The following KSR1 variants were observed in gnomAD, a reference collection of about 807,000 sequenced individuals.
KSR1 encodes kinase suppressor of ras.
KSR1 carries 35 observed loss-of-function variants against 92.9 expected under a neutral mutation model. That is an observed-to-expected ratio of 0.38 (90% CI 0.29 to 0.50). The LOEUF (loss-of-function observed/expected upper bound fraction) is 0.50. Among genes scored for constraint, KSR1 ranks in the 20% least tolerant of loss-of-function variants. The pLI, the probability that KSR1 is intolerant of heterozygous loss-of-function variation, is 0.94. For missense variants in KSR1, 972 were observed against 1,158.5 expected (o/e 0.84, Z 2.34); for synonymous variants, 467 against 472.6 (o/e 0.99, Z 0.15).
At chr17:27,536,141 G>A (rs892003538) in intron 1 of KSR1, among the ~76,000 whole-genome samples, 15 of 152,208 alleles carry the variant, frequency 9.9e-5, no homozygotes, top group Non-Finnish European at 1.5e-4. Flanking sequence ...AGTGAGAGAC[G>A]GCTGGGCTGG....
In KSR1 at chr17:27,577,381, C is replaced by T; in HGVS notation, c.373-111C>T. On this transcript the variant is annotated intron_variant, in intron 2 of 20. Transcript: ENST00000644974. The surrounding 1 kb of genome is among the most constrained non-coding windows in gnomAD (Gnocchi z 4.5). ...CGTGGTGGCTCTGGTCAGAGGCCGG[C>T]CCAGCCAGCAGCTGGCCCCTGCCAC... 1.5e-6 allele frequency: 1 copy of T among 669,054 alleles called. No homozygotes were observed. The highest frequency in any genetic ancestry group is 2.5e-6 in the Non-Finnish European group (1 of 394,104). 41.4% of individuals were successfully genotyped at this position (669,054 alleles called of 1,614,324 possible).
At chr17:27,517,006 CA>C (rs1406962690) in intron 1 of KSR1, among the ~76,000 whole-genome samples, 1 of 152,168 alleles carries the variant, frequency 6.6e-6, no homozygotes, top group African/African-American at 2.4e-5. Flanking sequence ...GAAACAAAAA[CA>C]AAAGTATTTT....
In KSR1 at chr17:27,464,720, C is replaced by A. The variant is rs1306100625; in HGVS notation, c.231+7846C>A. ...GAACTTGACTCAAAAAAAAAAAAAA[C>A]CAGCAAGAAAAATCCTTGCAGATTT... On this transcript the variant is annotated intron_variant, in intron 1 of 20. Transcript: ENST00000644974. Among the ~76,000 whole-genome samples, 49 of 135,342 alleles carry A rather than the reference C, an allele frequency of 3.6e-4. 1 individual carries two copies. Among genetic ancestry groups the A allele is most frequent in the African/African-American group, 3.8e-4 (14 of 37,202 alleles). 88.8% of individuals were successfully genotyped at this position (135,342 alleles called of 152,430 possible).
intron 1 of KSR1, among the ~76,000 whole-genome samples, chr17:27,507,618 C>T (rs1187180161): frequency 8.9e-6 from 1 of 112,164 alleles, no homozygotes; most frequent in Non-Finnish European, 1.7e-5. Flanking sequence ...CTCCTGTTGC[C>T]CAGGCTAGAG....
chr17:27,616,662 C>A (rs1367684990), intron 18 of KSR1, among the ~76,000 whole-genome samples: 1 of 152,160 alleles, frequency 6.6e-6, no homozygotes, highest in Non-Finnish European at 1.5e-5. Context: ...ATGTGTCCTG[C>A]CTGGTCGTAT....
Position 27,559,250 on chromosome 17 carries a change from T to G in KSR1, c.372+8542T>G, listed in dbSNP as rs948628372. ...GGGTTTCTTTCTGTTCCCACCTGAG[T>G]CAGATGCCAGCCCTCTGCGGCTCCG... On this transcript the variant is annotated intron_variant, in intron 2 of 20. Coordinates refer to ENST00000644974, the MANE Select transcript of KSR1 (RefSeq NM_001394583.1). This position sits in a 1 kb window ranked among gnomAD's most constrained non-coding sequence, Gnocchi z 4.2. Among the ~76,000 whole-genome samples, 6 of 152,114 alleles carry G rather than the reference T, an allele frequency of 3.9e-5. No homozygotes were observed. Among genetic ancestry groups the G allele is most frequent in the Non-Finnish European group, 7.4e-5 (5 of 68,018 alleles).
At chr17:27,521,250 A>G (rs1217021411) in intron 1 of KSR1, among the ~76,000 whole-genome samples, 1 of 151,674 alleles carries the variant, frequency 6.6e-6, no homozygotes, top group Admixed American at 6.6e-5. Context: ...TGGTTAGGAT[A>G]CCCAAGCTGA....
chr17:27,617,673 A>G lies in KSR1; in HGVS notation c.2627+245A>G, dbSNP rs1037258065. Reference sequence around the variant, plus strand: ...CTCCCGAGTAGCTGGGACTGTAGGCACCTGCCACCACACTTGGCTAATTAT... The same window carrying G: ...CTCCCGAGTAGCTGGGACTGTAGGCGCCTGCCACCACACTTGGCTAATTAT... On this transcript the variant is annotated intron_variant, in intron 19 of 20. Coordinates refer to ENST00000644974, the MANE Select transcript of KSR1 (RefSeq NM_001394583.1). The G allele has an allele frequency of 8.8e-6, 4 of 452,834 alleles. No individual in the cohort carries two copies. The Admixed American group carries it at 1.3e-4, about 15-fold the overall frequency. 28.1% of individuals were successfully genotyped at this position (452,834 alleles called of 1,614,324 possible). A position where few individuals can be genotyped will look rare whatever the true frequency, so the allele number is the denominator to read the frequency against.
chr17:27,502,792 G>A (rs1031171393), intron 1 of KSR1, among the ~76,000 whole-genome samples: 2 of 152,244 alleles, frequency 1.3e-5, no homozygotes, highest in African/African-American at 2.4e-5. Context: ...GCCTTCCAGC[G>A]TTGGATTCCT....
intron 2 of KSR1, among the ~76,000 whole-genome samples, chr17:27,564,235 C>A (rs1201365335): frequency 1.3e-5 from 2 of 152,080 alleles, no homozygotes; most frequent in Non-Finnish European, 2.9e-5. Flanking sequence ...AGATGATCTG[C>A]CTGCCTCGGC....
chr17:27,577,584 TGA>T lies in KSR1; in HGVS notation c.467_468del (p.Glu156ValfsTer89). On this transcript the variant is annotated frameshift_variant, in exon 3 of 21. Transcript: ENST00000644974. LOFTEE classifies it high-confidence loss of function. This position sits in a 1 kb window ranked among gnomAD's most constrained non-coding sequence, Gnocchi z 4.5. ...TLRRCGASGD[E>X]CGRLQYALTC... Reference sequence around the variant, plus strand: ...TGCGGCGCTGTGGGGCCAGCGGGGATGAGTGTGGCCGTCTGCAGTATGCCCTC... The same window carrying T: ...TGCGGCGCTGTGGGGCCAGCGGGGATGTGTGGCCGTCTGCAGTATGCCCTC... 6.2e-7 allele frequency: 1 copy of T among 1,603,394 alleles called. No individual in the cohort carries two copies. Among genetic ancestry groups the T allele is most frequent in the Non-Finnish European group, 8.5e-7 (1 of 1,178,218 alleles).
intron 20 of KSR1, chr17:27,621,964 T>C: frequency 6.2e-7 from 1 of 1,611,500 alleles, no homozygotes; most frequent in Non-Finnish European, 8.5e-7. Context: ...CACCAGGGGC[T>C]TTCTTCCTCC....
chr17:27,480,251 A>G lies in KSR1; in HGVS notation c.231+23377A>G, dbSNP rs1488524614. Among the ~76,000 whole-genome samples, 3 of 152,154 alleles carry G rather than the reference A, an allele frequency of 2.0e-5. No homozygotes were observed. In the East Asian group the frequency reaches 5.8e-4, roughly 29 times the overall value. On this transcript the variant is annotated intron_variant, in intron 1 of 20. Coordinates refer to ENST00000644974, the MANE Select transcript of KSR1 (RefSeq NM_001394583.1). Reference sequence around the variant, plus strand: ...GAGTGAGGTCTTCTCTAAGCAGCCCATGTAATTGTGAACCCTCCTGCCTCC... The same window carrying G: ...GAGTGAGGTCTTCTCTAAGCAGCCCGTGTAATTGTGAACCCTCCTGCCTCC...
chr17:27,499,079 A>G (rs556863787), intron 1 of KSR1, among the ~76,000 whole-genome samples: 13 of 152,304 alleles, frequency 8.5e-5, no homozygotes, highest in East Asian at 3.9e-4. Flanking sequence ...CAGCTTCAGG[A>G]TATGCCAAGG....
intron 1 of KSR1, chr17:27,526,708 T>G (rs570885881): frequency 6.2e-5 from 92 of 1,474,484 alleles, no homozygotes; most frequent in South Asian, 5.5e-4. Flanking sequence ...AACACGAGGG[T>G]TCAGGTTGAG....
intron 2 of KSR1, among the ~76,000 whole-genome samples, chr17:27,565,891 G>T (rs1349610493): frequency 4.0e-5 from 6 of 151,370 alleles, no homozygotes; most frequent in African/African-American, 1.5e-4. Context: ...TTTTTCATTT[G>T]CATGGACTCC....
intron 20 of KSR1, chr17:27,622,118 T>TTTC (rs2074240531): frequency 1.6e-6 from 1 of 631,580 alleles, no homozygotes; most frequent in African/African-American, 1.8e-5. Flanking sequence ...CCCTCTGCCC[T>TTTC]CTCCACGTGG....
intron 2 of KSR1, among the ~76,000 whole-genome samples, chr17:27,573,801 G>C (rs2072400823): frequency 6.6e-6 from 1 of 152,082 alleles, no homozygotes; most frequent in South Asian, 2.1e-4. Flanking sequence ...TCAGTAAGAT[G>C]GACTTAACTC....
chr17:27,592,316 C>T (rs373743003), intron 7 of KSR1, 45 bp from the exon 8 acceptor site: 29 of 1,534,260 alleles, frequency 1.9e-5, no homozygotes, highest in African/African-American at 2.7e-5. Context: ...GTGCCTGAGC[C>T]CCCCCATGTG....
Sources: allele counts gnomAD v4.1 joint callset (sites outside exome capture counted in the v4.1 genomes callset), GRCh38; gene constraint gnomAD v4.1.1; non-coding constraint Gnocchi (gnomAD v3.1); transcripts MANE v1.5; gene names NCBI Gene and HGNC (gene_info 2026-07-23, HGNC 2026-07-21).